The following PARVA variants were observed in gnomAD, a reference collection of about 807,000 sequenced individuals.
The protein encoded by PARVA is parvin alpha, also known as alpha-parvin.
A neutral mutation model predicts 52.6 loss-of-function variants in PARVA; 25 were observed. The observed-to-expected ratio is 0.48, with a 90% CI of 0.35 to 0.66. The LOEUF is 0.66. PARVA is among the 30% of genes least tolerant of loss of function. The pLI is 0.01. For synonymous variants in PARVA, 185 were observed against 179.1 expected, an observed-to-expected ratio of 1.03 and a Z score of -0.26; for missense variants, 373 against 450.9, an observed-to-expected ratio of 0.83 and a Z score of 1.56.
At chr11:12,443,765 C>T (rs1488306488) in intron 1 of PARVA, among the ~76,000 whole-genome samples, 1 of 152,096 alleles carries the variant, frequency 6.6e-6, no homozygotes, top group African/African-American at 2.4e-5. Context: ...TTTCCCTTGC[C>T]TGTACCCTTA....
chr11:12,456,933 C>T (rs948910936), intron 1 of PARVA, among the ~76,000 whole-genome samples: 1 of 152,192 alleles, frequency 6.6e-6, no homozygotes, highest in African/African-American at 2.4e-5. Context: ...TGAGTCTGTA[C>T]CAGCTACCCC....
At chr11:12,485,091 G>A (rs374879744) in intron 4 of PARVA, among the ~76,000 whole-genome samples, 4 of 152,308 alleles carry the variant, frequency 2.6e-5, no homozygotes, top group African/African-American at 9.6e-5. Flanking sequence ...TGGGATTAAA[G>A]GCGTGAGCCA....
At chr11:12,509,747 C>G (rs1024259465) in intron 7 of PARVA, among the ~76,000 whole-genome samples, 1 of 152,202 alleles carries the variant, frequency 6.6e-6, no homozygotes, top group Non-Finnish European at 1.5e-5. Context: ...TGTATCACCT[C>G]AGAGGCCAGT....
intron 1 of PARVA, among the ~76,000 whole-genome samples, chr11:12,380,627 G>A (rs1939471678): frequency 6.6e-6 from 1 of 150,794 alleles, no homozygotes; most frequent in African/African-American, 2.5e-5. Flanking sequence ...CAGTGGGGAC[G>A]GTGGAAATGG....
intron 5 of PARVA, among the ~76,000 whole-genome samples, chr11:12,503,719 G>A (rs950375204): frequency 2.0e-5 from 3 of 151,710 alleles, no homozygotes; most frequent in Non-Finnish European, 4.4e-5. Flanking sequence ...GAGCAACAGA[G>A]CAAGACCCTG....
chr11:12,482,561 G>T (rs1176733370), intron 4 of PARVA, among the ~76,000 whole-genome samples: 2 of 151,892 alleles, frequency 1.3e-5, no homozygotes, highest in Admixed American at 1.3e-4. Flanking sequence ...AGGAGGCAGA[G>T]GTTGCAGTGA....
chr11:12,532,365 A>G lies in PARVA; in HGVS notation c.*4440A>G, dbSNP rs1362066032. ...TGGAGCGCACCTCAGAGTCCCCTAC[A>G]TAATGCGTATTAGGACTTTCTAAGG... On this transcript the variant is annotated 3_prime_UTR_variant, in exon 13 of 13. Transcript: ENST00000334956. Among the ~76,000 whole-genome samples, 1 of 152,220 alleles carries G rather than the reference A, an allele frequency of 6.6e-6. No individual in the cohort carries two copies. Among genetic ancestry groups the G allele is most frequent in the Non-Finnish European group, 1.5e-5 (1 of 68,042 alleles).
intron 1 of PARVA, among the ~76,000 whole-genome samples, chr11:12,461,158 G>C (rs772153563): frequency 9.2e-5 from 14 of 152,186 alleles, no homozygotes; most frequent in Non-Finnish European, 1.8e-4. Flanking sequence ...GCAGGTCCTT[G>C]TCTTTGTATT....
At chr11:12,405,046 C>T (rs1242817254) in intron 1 of PARVA, among the ~76,000 whole-genome samples, 1 of 152,158 alleles carries the variant, frequency 6.6e-6, no homozygotes, top group East Asian at 1.9e-4. Context: ...CCCTTTTAGC[C>T]TCAGTTTCCT....
At chr11:12,421,683 T>G (rs900281698) in intron 1 of PARVA, among the ~76,000 whole-genome samples, 3 of 152,226 alleles carry the variant, frequency 2.0e-5, no homozygotes, top group Non-Finnish European at 2.9e-5. Context: ...CTAGTTGTAG[T>G]GTTTTTAGTT....
At chr11:12,518,065 G>C (rs536003443) in intron 11 of PARVA, among the ~76,000 whole-genome samples, 2 of 152,148 alleles carry the variant, frequency 1.3e-5, no homozygotes, top group African/African-American at 4.8e-5. Context: ...ATGGCCTCTC[G>C]TAGGCTGCCA....
At chr11:12,522,883 G>T (rs1018920736) in intron 12 of PARVA, among the ~76,000 whole-genome samples, 2 of 152,020 alleles carry the variant, frequency 1.3e-5, no homozygotes, top group African/African-American at 4.8e-5. Flanking sequence ...TCAAGGGCAC[G>T]TATGTTGATG....
At position 12,530,493 on chromosome 11, in the gene PARVA, A is replaced by T. The variant is rs1226206378; in HGVS notation, c.*2568A>T. On this transcript the variant is annotated 3_prime_UTR_variant, in exon 13 of 13. Coordinates refer to ENST00000334956, the MANE Select transcript of PARVA (RefSeq NM_018222.5). ...CTCAGTTATTTTTAATGCTTAATAC[A>T]TACATGGTGCAAAATTTAAAAAGCG... 6.6e-6 allele frequency: 1 copy of T among 152,200 alleles called. No individual in the cohort carries two copies. Among genetic ancestry groups the T allele is most frequent in the African/African-American group, 2.4e-5 (1 of 41,450 alleles). 9.4% of individuals were successfully genotyped at this position (152,200 alleles called of 1,614,324 possible).
At chr11:12,444,179 A>G (rs141800756) in intron 1 of PARVA, among the ~76,000 whole-genome samples, 8 of 152,326 alleles carry the variant, frequency 5.3e-5, no homozygotes, top group Non-Finnish European at 1.0e-4. Context: ...AGGATTTGGC[A>G]GAAGCGGAAT....
rs530264681 is a variant in PARVA at position 12,377,927 on chromosome 11, C to T, written c.136+144C>T. The T allele has an allele frequency of 1.2e-3, 339 of 283,150 alleles. 1 individual carries two copies. The highest frequency in any genetic ancestry group is 7.4e-3 in the African/African-American group (325 of 43,794). 17.5% of individuals were successfully genotyped at this position (283,150 alleles called of 1,614,324 possible). On this transcript the variant is annotated intron_variant, in intron 1 of 12. Transcript: ENST00000334956. ...CGCGGCGATGCGTGCGCGCGCTTCC[C>T]GGGTACGTCGGGCAGGAGCGACGCG...
intron 1 of PARVA, among the ~76,000 whole-genome samples, chr11:12,434,520 C>A (rs990093373): frequency 6.6e-5 from 10 of 152,148 alleles, no homozygotes; most frequent in African/African-American, 2.4e-4. Flanking sequence ...CTGTCACAGC[C>A]CCCAACCATG....
intron 1 of PARVA, among the ~76,000 whole-genome samples, chr11:12,437,618 A>G (rs1940404110): frequency 6.6e-6 from 1 of 152,202 alleles, no homozygotes; most frequent in Non-Finnish European, 1.5e-5. Flanking sequence ...GAGCAGACTT[A>G]GAGAGTGGAT....
At chr11:12,469,129 T>C (rs143824779) in intron 1 of PARVA, among the ~76,000 whole-genome samples, 255 of 152,300 alleles carry the variant, frequency 1.7e-3, no homozygotes, top group African/African-American at 5.7e-3. Flanking sequence ...TGTACAGAAT[T>C]GTTTTATACC....
rs1341585791 is a variant in PARVA, at chr11:12,473,966, C to T, written c.280C>T (p.Leu94Phe). 1.3e-6 allele frequency: 2 copies of T among 1,579,026 alleles called. No individual in the cohort carries two copies. The highest frequency in any genetic ancestry group is 4.7e-5 in the East Asian group (2 of 42,992). ...TCCAAACTCACGCAGTGACCCCAAG[C>T]TTCAAGAACTGATGAAGGTAAGAAG... is the stretch of plus-strand genomic sequence containing the variant. ...VDPNSRSDPK[L>F]QELMKVLIDW... The change falls in exon 3 of 13, where the codon CTT (leucine) becomes TTT (phenylalanine). Residue 94 changes from leucine (L) to phenylalanine (F), a missense_variant. Leu to Phe is a conservative substitution (Grantham distance 22). Transcript: ENST00000334956.
Sources: allele counts gnomAD v4.1 joint callset (sites outside exome capture counted in the v4.1 genomes callset), GRCh38; gene constraint gnomAD v4.1.1; transcripts MANE v1.5; gene names NCBI Gene and HGNC (gene_info 2026-07-23, HGNC 2026-07-21).